The following VPS13A variants were observed in gnomAD, a reference collection of about 807,000 sequenced individuals.
VPS13A encodes the protein vacuolar protein sorting 13 homolog A, also known as intermembrane lipid transfer protein VPS13A.
Under a neutral mutation model 390.9 loss-of-function variants are expected in VPS13A, and 264 were observed. The ratio of observed to expected loss-of-function variants is 0.68; its 90% CI spans 0.61 to 0.75. VPS13A has a LOEUF of 0.75. Ranked by LOEUF, VPS13A falls within the 30% of genes least tolerant of loss-of-function variation. The pLI, the probability that VPS13A is intolerant of heterozygous loss-of-function variation, is 0.00. For synonymous variants in VPS13A, 1,231 were observed against 1,227.1 expected (o/e 1.00, Z -0.07); for missense variants, 3,409 against 3,733.9 (o/e 0.91, Z 2.27).
chr9:77,330,290 A>G (rs1419620908), intron 45 of VPS13A, among the ~76,000 whole-genome samples: 1 of 152,180 alleles, frequency 6.6e-6, no homozygotes, highest in African/African-American at 2.4e-5. Context: ...TGCTGGAATT[A>G]TAATAGGTGT....
chr9:77,211,770 C>T (rs1825986366), intron 7 of VPS13A, among the ~76,000 whole-genome samples: 1 of 152,162 alleles, frequency 6.6e-6, no homozygotes, highest in Non-Finnish European at 1.5e-5. Flanking sequence ...ACTTGTCTGC[C>T]AGCCTAGACC....
intron 36 of VPS13A, 62 bp from the exon 37 acceptor site, chr9:77,314,433 T>C: frequency 1.3e-6 from 2 of 1,491,278 alleles, no homozygotes; most frequent in Non-Finnish European, 1.9e-6. Context: ...GTAGTTCATA[T>C]CATGAAATAC....
intron 17 of VPS13A, among the ~76,000 whole-genome samples, chr9:77,237,036 T>A (rs764418210): frequency 6.6e-6 from 1 of 151,458 alleles, no homozygotes; most frequent in Non-Finnish European, 1.5e-5. Context: ...ATTACAGGCA[T>A]GTACCACCAC....
chr9:77,361,273 T>TGATA (rs989745430), intron 59 of VPS13A, among the ~76,000 whole-genome samples: 5 of 152,154 alleles, frequency 3.3e-5, no homozygotes, highest in Non-Finnish European at 1.5e-5. Context: ...GTGCAGCCAC[T>TGATA]GATACACTTT....
In VPS13A at chr9:77,281,861, G is replaced by C; in HGVS notation, c.2905-6G>C. The stretch of plus-strand genomic sequence containing the variant: ...GTTCTAACAGATTTGTTTTCTCTTT[G>C]GATAGGCTGAAAAGAATGTACCCGA... On this transcript the variant is annotated splice_region_variant and splice_polypyrimidine_tract_variant and intron_variant, in intron 27 of 71. Transcript: ENST00000360280. 6.3e-7 allele frequency: 1 copy of C among 1,595,580 alleles called. No individual in the cohort carries two copies.
At chr9:77,385,074 G>T in intron 68 of VPS13A, 1 of 996,880 alleles carries the variant, frequency 1.0e-6, no homozygotes, top group Admixed American at 5.6e-5. Context: ...TTAATGTAAT[G>T]CCACTGTGTA....
chr9:77,243,398 G>C (rs1399135502), intron 19 of VPS13A, among the ~76,000 whole-genome samples: 2 of 152,138 alleles, frequency 1.3e-5, no homozygotes, highest in Non-Finnish European at 2.9e-5. Flanking sequence ...AGATCCTGGA[G>C]CGTTTTGATT....
chr9:77,186,004 T>C (rs1824311112), intron 1 of VPS13A, among the ~76,000 whole-genome samples: 1 of 152,170 alleles, frequency 6.6e-6, no homozygotes, highest in African/African-American at 2.4e-5. Flanking sequence ...AATGTGCGCC[T>C]GTAGTCTCAG....
intron 31 of VPS13A, among the ~76,000 whole-genome samples, chr9:77,292,579 G>A (rs1273200136): frequency 7.2e-5 from 11 of 152,062 alleles, no homozygotes; most frequent in African/African-American, 2.2e-4. Context: ...CTCAGCCTTC[G>A]GAGGTCACTT....
At chr9:77,388,369 G>C (rs1028408957) in intron 68 of VPS13A, among the ~76,000 whole-genome samples, 9 of 152,106 alleles carry the variant, frequency 5.9e-5, no homozygotes, top group Non-Finnish European at 1.2e-4. Context: ...TCTGTGTTAA[G>C]AGAACTAATT....
rs372729974 is a variant in VPS13A, at chr9:77,321,615, A to G, written c.5699A>G (p.Asn1900Ser). Residue 1900 changes from asparagine (N) to serine (S), a missense_variant, in exon 44 of 72, where the codon AAC (asparagine) becomes AGC (serine). By Grantham distance (46) the Asn-to-Ser change is conservative (BLOSUM62 1). Around this residue, in one of 5 missense-constraint regions of VPS13A, gnomAD observed 2,717 missense variants for 2,917.4 expected, o/e 0.93. Coordinates refer to ENST00000360280, the MANE Select transcript of VPS13A (RefSeq NM_033305.3). ...VSPSDSFSVL[N>S]IPMAKSYVLK... ...CCAAGTGATTCTTTTAGTGTACTCA[A>G]CATTCCTATGGCAAAATCATATGTA... The G allele has an allele frequency of 4.3e-6, 7 of 1,613,428 alleles. No homozygotes were observed. The highest frequency in any genetic ancestry group is 3.3e-5 in the Admixed American group (2 of 59,902).
intron 69 of VPS13A, among the ~76,000 whole-genome samples, chr9:77,403,997 G>A (rs1179951819): frequency 1.3e-5 from 2 of 152,194 alleles, no homozygotes; most frequent in African/African-American, 4.8e-5. Context: ...TATGAGCATT[G>A]TGTTGGTTCA....
chr9:77,264,237 C>T (rs1269387336), intron 23 of VPS13A, among the ~76,000 whole-genome samples: 2 of 152,272 alleles, frequency 1.3e-5, no homozygotes, highest in East Asian at 3.9e-4. Flanking sequence ...GTGATGCCTC[C>T]AGCTTTGTTC....
chr9:77,195,650 T>A (rs1342026445), intron 1 of VPS13A, among the ~76,000 whole-genome samples: 1 of 152,016 alleles, frequency 6.6e-6, no homozygotes, highest in Admixed American at 6.5e-5. Context: ...GGCAGGAGAA[T>A]CACTTGATCC....
intron 68 of VPS13A, among the ~76,000 whole-genome samples, chr9:77,399,739 G>A (rs1007236188): frequency 6.6e-6 from 1 of 152,146 alleles, no homozygotes; most frequent in Non-Finnish European, 1.5e-5. Flanking sequence ...CTTAACTTCT[G>A]CCTCCACCAT....
At chr9:77,262,145 CT>C (rs1380964022) in intron 23 of VPS13A, among the ~76,000 whole-genome samples, 4 of 151,960 alleles carry the variant, frequency 2.6e-5, no homozygotes, top group Non-Finnish European at 5.9e-5. Flanking sequence ...TTTAAAATTA[CT>C]GTTTTTTCCT....
chr9:77,216,299 G>T (rs116472302), intron 10 of VPS13A, among the ~76,000 whole-genome samples: 3,078 of 152,238 alleles, frequency 0.02, 72 homozygotes, highest in African/African-American at 0.056. Context: ...TTGATAACTG[G>T]CATACCTGTT....
At chr9:77,227,788 A>C (rs1823605739) in intron 16 of VPS13A, among the ~76,000 whole-genome samples, 1 of 151,128 alleles carries the variant, frequency 6.6e-6, no homozygotes, top group Non-Finnish European at 1.5e-5. Context: ...GCCTGCCTCG[A>C]CTTCCCAAAG....
chr9:77,349,746 C>T (rs139804481), intron 52 of VPS13A, among the ~76,000 whole-genome samples: 90 of 152,142 alleles, frequency 5.9e-4, no homozygotes, highest in Admixed American at 1.6e-3. Flanking sequence ...CAGGTTCAAG[C>T]GATTCTACTG....
Sources: gnomAD v4.1 joint callset for allele counts (sites outside exome capture counted in the v4.1 genomes callset) on GRCh38, gnomAD v4.1.1 for gene constraint, gnomAD v4.1.1 regional missense constraint, MANE v1.5 for transcripts, NCBI Gene and HGNC (gene_info 2026-07-23, HGNC 2026-07-21) for gene names.